CCSER1: variants seen among roughly 807,000 people sequenced by gnomAD.
CCSER1 encodes serine-rich coiled-coil domain-containing protein 1.
Under a neutral mutation model 82.0 loss-of-function variants are expected in CCSER1, and 41 were observed. The ratio of observed to expected loss-of-function variants is 0.50; its 90% CI spans 0.39 to 0.65. The LOEUF (loss-of-function observed/expected upper bound fraction) is 0.65, where lower values mean the gene tolerates loss of function less well. Ranked by LOEUF, CCSER1 falls within the 30% of genes least tolerant of loss-of-function variation. The pLI is 0.00. For synonymous variants in CCSER1, 414 were observed against 383.9 expected (o/e 1.08, Z -0.92); for missense variants, 1,119 against 1,064.2 (o/e 1.05, Z -0.72).
chr4:91,160,863 T>G (rs1731322747), intron 10 of CCSER1, among the ~76,000 whole-genome samples: 2 of 152,142 alleles, frequency 1.3e-5, no homozygotes, highest in African/African-American at 4.8e-5. Context: ...GCCTATTCAC[T>G]CTGATGGTAG....
chr4:91,443,355 C>T (rs948921044), intron 10 of CCSER1, among the ~76,000 whole-genome samples: 7 of 151,946 alleles, frequency 4.6e-5, no homozygotes, highest in African/African-American at 1.5e-4. Flanking sequence ...TCATCATTCT[C>T]AGTAAACTTT....
chr4:90,611,123 T>C (rs1268222904), intron 5 of CCSER1, among the ~76,000 whole-genome samples: 3 of 120,790 alleles, frequency 2.5e-5, no homozygotes, highest in Non-Finnish European at 5.4e-5. Context: ...GGTCTCGAAC[T>C]CCTGACCTCA....
chr4:90,479,519 C>T (rs1317922772), intron 5 of CCSER1, among the ~76,000 whole-genome samples: 2 of 152,064 alleles, frequency 1.3e-5, no homozygotes, highest in Admixed American at 1.3e-4. Context: ...AATGCTATCC[C>T]TCCCCGCTCC....
intron 10 of CCSER1, among the ~76,000 whole-genome samples, chr4:91,162,462 A>T (rs987622454): frequency 2.6e-5 from 4 of 152,154 alleles, no homozygotes; most frequent in African/African-American, 9.7e-5. Context: ...GTTAGAGAGG[A>T]ATTCCTCTTT....
chr4:91,446,142 C>T (rs1348005731), intron 10 of CCSER1, among the ~76,000 whole-genome samples: 2 of 151,878 alleles, frequency 1.3e-5, no homozygotes, highest in South Asian at 2.1e-4. Flanking sequence ...GTGTGAAGGT[C>T]GTGCCTTCAT....
chr4:90,206,251 G>C (rs1166832745), intron 1 of CCSER1, among the ~76,000 whole-genome samples: 1 of 151,974 alleles, frequency 6.6e-6, no homozygotes, highest in Admixed American at 6.6e-5. Context: ...TTTTGAATTT[G>C]TTTGCTCTTG....
intron 10 of CCSER1, among the ~76,000 whole-genome samples, chr4:91,556,795 CATT>C (rs1345664402): frequency 2.7e-5 from 4 of 150,754 alleles, no homozygotes; most frequent in African/African-American, 7.3e-5. Context: ...GGTGTAAATG[CATT>C]ATATTAAAAG....
At chr4:90,379,042 G>A (rs985439812) in intron 3 of CCSER1, among the ~76,000 whole-genome samples, 1 of 152,156 alleles carries the variant, frequency 6.6e-6, no homozygotes, top group African/African-American at 2.4e-5. Flanking sequence ...TCAGATAAGA[G>A]CGAAAACAGA....
intron 6 of CCSER1, among the ~76,000 whole-genome samples, chr4:90,692,088 T>C (rs1736116285): frequency 2.0e-5 from 3 of 149,304 alleles, no homozygotes; most frequent in African/African-American, 7.3e-5. Flanking sequence ...ACCAGACACA[T>C]TTATAGAGCT....
chr4:91,060,197 T>C (rs890062821), intron 9 of CCSER1, among the ~76,000 whole-genome samples: 5 of 152,064 alleles, frequency 3.3e-5, no homozygotes, highest in African/African-American at 4.8e-5. Flanking sequence ...AACTAGCTAT[T>C]ATTATGATGT....
rs925461227 is a variant in CCSER1, at chr4:91,469,197, C to A, written c.2218-129375C>A. Among the ~76,000 whole-genome samples, 4 of 152,126 alleles carry A rather than the reference C, an allele frequency of 2.6e-5. No homozygotes were observed. The East Asian group carries it at 7.7e-4, about 29-fold the overall frequency. On this transcript the variant is annotated intron_variant, in intron 10 of 10. Coordinates refer to ENST00000509176, the MANE Select transcript of CCSER1 (RefSeq NM_001145065.2). Reference sequence around the variant, plus strand: ...TTGACAAGCTGCTCATATCTTTAGGCAAGTTAAACTTCATATCTTGGGAAT... The same window carrying A: ...TTGACAAGCTGCTCATATCTTTAGGAAAGTTAAACTTCATATCTTGGGAAT...
At chr4:90,952,070 C>A (rs929070771) in intron 9 of CCSER1, among the ~76,000 whole-genome samples, 2 of 152,000 alleles carry the variant, frequency 1.3e-5, no homozygotes, top group African/African-American at 4.8e-5. Flanking sequence ...GAGAAAAATT[C>A]ACCAGTAAAG....
chr4:90,234,455 G>C (rs1322918197), intron 1 of CCSER1, among the ~76,000 whole-genome samples: 1 of 152,130 alleles, frequency 6.6e-6, no homozygotes, highest in Admixed American at 6.5e-5. Flanking sequence ...GACCTCAGAT[G>C]ATCCGCCCGC....
Position 90,628,220 on chromosome 4 carries a change from A to G in CCSER1, c.1920A>G (p.Arg640=), listed in dbSNP as rs1723687539. The part of the protein sequence containing the change: ...AVKTLLLKMK[R]VLQESADMSP... ...AGACGTTATTATTAAAGATGAAGAG[A>G]GTTCTTCAAGAGGTAATGGTTTCCT... Residue 640 remains arginine (R), a synonymous_variant, in exon 6 of 11, where the codon AGA becomes AGG. Transcript: ENST00000509176. 3.1e-6 allele frequency: 5 copies of G among 1,611,204 alleles called. No homozygotes were observed. The South Asian group carries it at 5.5e-5, about 18-fold the overall frequency.
In CCSER1 at chr4:90,991,668, T is replaced by C. The variant is rs1003143441; in HGVS notation, c.2172+68221T>C. 3.9e-5 allele frequency among the ~76,000 whole-genome samples: 6 copies of C among 152,104 alleles called. No individual in the cohort carries two copies. In the East Asian group the frequency reaches 7.8e-4, roughly 20 times the overall value. On this transcript the variant is annotated intron_variant, in intron 9 of 10. Coordinates refer to ENST00000509176, the MANE Select transcript of CCSER1 (RefSeq NM_001145065.2). ...CAAGTATGACCTCATTTTAAATTAA[T>C]TACATCTGCAAACCCTGTTTCCAAA...
At position 90,925,825 on chromosome 4, in the gene CCSER1, T is replaced by C. The variant is rs568841024; in HGVS notation, c.2172+2378T>C. ...TTGAATTAAGGTTAAAGAATAATACTTTTTTTGACAATGAGTCCCTAAAGA... is the reference window on the plus strand; with the variant it reads ...TTGAATTAAGGTTAAAGAATAATACCTTTTTTGACAATGAGTCCCTAAAGA... On this transcript the variant is annotated intron_variant, in intron 9 of 10. Transcript: ENST00000509176. Among the ~76,000 whole-genome samples the C allele has an allele frequency of 1.7e-4, 26 of 152,194 alleles. No homozygotes were observed. The East Asian group carries it at 4.8e-3, about 28-fold the overall frequency.
intron 5 of CCSER1, among the ~76,000 whole-genome samples, chr4:90,580,910 C>G (rs959455135): frequency 1.3e-5 from 2 of 152,028 alleles, no homozygotes; most frequent in Non-Finnish European, 2.9e-5. Flanking sequence ...TAACAGAATC[C>G]ATGGGGAAAT....
In CCSER1 at chr4:90,908,038, A is replaced by G. The variant is rs141167720; in HGVS notation, c.2095-15332A>G. ...GAGTATCTAGAGTGTGCCTAAAAGT[A>G]TATAAGGAAGTGTGGAGTCAATATG... On this transcript the variant is annotated intron_variant, in intron 8 of 10. Coordinates refer to ENST00000509176, the MANE Select transcript of CCSER1 (RefSeq NM_001145065.2). Among the ~76,000 whole-genome samples, 216 of 152,216 alleles carry G rather than the reference A, an allele frequency of 1.4e-3. 1 individual carries two copies. The East Asian group carries it at 0.026, about 18-fold the overall frequency.
At chr4:91,590,036 G>C (rs1012879658) in intron 10 of CCSER1, among the ~76,000 whole-genome samples, 2 of 151,866 alleles carry the variant, frequency 1.3e-5, no homozygotes, top group Non-Finnish European at 1.5e-5. Flanking sequence ...GTGGCTTCTG[G>C]GAAAACTGTT....
Sources: allele counts gnomAD v4.1 joint callset (sites outside exome capture counted in the v4.1 genomes callset), GRCh38; gene constraint gnomAD v4.1.1; transcripts MANE v1.5; gene names NCBI Gene and HGNC (gene_info 2026-07-23, HGNC 2026-07-21).